Variants in PACRG observed in about 807,000 individuals in gnomAD.
PACRG encodes the protein parkin coregulated gene protein.
PACRG carries 29 observed loss-of-function variants against 29.7 expected under a neutral mutation model. That is an observed-to-expected ratio of 0.98 (90% CI 0.73 to 1.33). PACRG has a LOEUF of 1.33. Among genes scored for constraint, PACRG ranks in the 40% most tolerant of loss-of-function variants. The pLI is 0.00. For synonymous variants in PACRG, 116 were observed against 118.7 expected, an observed-to-expected ratio of 0.98 and a Z score of 0.15; for missense variants, 279 against 316.2, an observed-to-expected ratio of 0.88 and a Z score of 0.89.
intron 2 of PACRG, among the ~76,000 whole-genome samples, chr6:162,848,264 AAC>A (rs1424028351): frequency 3.3e-5 from 5 of 152,232 alleles, no homozygotes; most frequent in Non-Finnish European, 5.9e-5. Context: ...CCAGCAAGGA[AAC>A]ACAATGACTT....
At chr6:163,254,606 G>A (rs1783038074) in intron 4 of PACRG, among the ~76,000 whole-genome samples, 1 of 152,210 alleles carries the variant, frequency 6.6e-6, no homozygotes, top group Non-Finnish European at 1.5e-5. Context: ...CACTGTCCAG[G>A]ACGAGGTGAG....
At chr6:163,275,195 A>G (rs1052868300) in intron 4 of PACRG, among the ~76,000 whole-genome samples, 1 of 152,138 alleles carries the variant, frequency 6.6e-6, no homozygotes, top group African/African-American at 2.4e-5. Context: ...ATTATTTGAT[A>G]TATCTGCTTA....
At chr6:162,913,914 T>C (rs1482490750) in intron 2 of PACRG, among the ~76,000 whole-genome samples, 6 of 152,210 alleles carry the variant, frequency 3.9e-5, no homozygotes, top group Non-Finnish European at 7.3e-5. Flanking sequence ...TTTGTCCATT[T>C]TTATTAGGTT....
At chr6:162,811,456 G>T (rs1228356401) in intron 1 of PACRG, among the ~76,000 whole-genome samples, 5 of 152,068 alleles carry the variant, frequency 3.3e-5, no homozygotes, top group Admixed American at 3.3e-4. Context: ...GATTCTTTGA[G>T]TAGCTCTATA....
chr6:163,160,579 T>C lies in PACRG; in HGVS notation c.613+71171T>C, dbSNP rs1272414134. 3.3e-5 allele frequency among the ~76,000 whole-genome samples: 5 copies of C among 152,214 alleles called. No homozygotes were observed. The East Asian group carries it at 9.6e-4, about 29-fold the overall frequency. On this transcript the variant is annotated intron_variant, in intron 4 of 4. Transcript: ENST00000366888. ...GAATTAATAAATGGCATACCTTTTA[T>C]ACCAAATTTTAACAAAACAACCTTA...
At chr6:162,765,738 C>T (rs1002831510) in intron 1 of PACRG, among the ~76,000 whole-genome samples, 2 of 151,996 alleles carry the variant, frequency 1.3e-5, no homozygotes, top group African/African-American at 4.8e-5. Context: ...ACATGTATAA[C>T]TATTTAATAT....
intron 2 of PACRG, among the ~76,000 whole-genome samples, chr6:162,884,142 G>A (rs947299557): frequency 6.6e-5 from 10 of 152,208 alleles, no homozygotes; most frequent in East Asian, 1.9e-4. Context: ...GTTTCACCAC[G>A]TTGCCCAGAC....
At chr6:162,771,501 G>A (rs535333350) in intron 1 of PACRG, among the ~76,000 whole-genome samples, 2 of 152,254 alleles carry the variant, frequency 1.3e-5, no homozygotes, top group South Asian at 2.1e-4. Flanking sequence ...GGCGGGAGTG[G>A]AGGTGGCTTC....
intron 4 of PACRG, chr6:163,170,814 G>A (rs192490192): frequency 2.4e-3 from 361 of 152,234 alleles, no homozygotes; most frequent in African/African-American, 2.9e-3. Context: ...TTCTTTTATC[G>A]CTTAGACCTT....
At chr6:163,255,910 A>G (rs1378459602) in intron 4 of PACRG, among the ~76,000 whole-genome samples, 1 of 152,186 alleles carries the variant, frequency 6.6e-6, no homozygotes, top group Non-Finnish European at 1.5e-5. Flanking sequence ...TGCTGGGTTT[A>G]CAGGTGTGAG....
At chr6:162,802,568 G>C (rs368309636) in intron 1 of PACRG, among the ~76,000 whole-genome samples, 176 of 152,074 alleles carry the variant, frequency 1.2e-3, no homozygotes, top group African/African-American at 3.8e-3. Flanking sequence ...CATTGGTTTT[G>C]ACCTCCTTCA....
chr6:163,075,661 A>G (rs1181604339), intron 3 of PACRG, among the ~76,000 whole-genome samples: 2 of 152,238 alleles, frequency 1.3e-5, no homozygotes, highest in East Asian at 1.9e-4. Flanking sequence ...TATTTAATAA[A>G]TGGTGAAAAA....
intron 1 of PACRG, among the ~76,000 whole-genome samples, chr6:162,731,131 T>G (rs890608776): frequency 6.6e-6 from 1 of 152,192 alleles, no homozygotes; most frequent in South Asian, 2.1e-4. Context: ...AATAATTTTT[T>G]TAATATTAAA....
intron 2 of PACRG, among the ~76,000 whole-genome samples, chr6:162,912,572 C>CTT (rs745997012): frequency 1.2e-4 from 17 of 137,062 alleles, no homozygotes; most frequent in South Asian, 9.4e-4. Context: ...ATATTATATT[C>CTT]TTTTTTTTTT....
At chr6:162,878,200 G>C (rs1793534983) in intron 2 of PACRG, among the ~76,000 whole-genome samples, 1 of 152,092 alleles carries the variant, frequency 6.6e-6, no homozygotes, top group South Asian at 2.1e-4. Context: ...AGTGTAAGAT[G>C]CAATATCACA....
intron 3 of PACRG, among the ~76,000 whole-genome samples, chr6:163,072,114 CCAGA>C (rs1812118144): frequency 6.6e-6 from 1 of 151,522 alleles, no homozygotes; most frequent in Admixed American, 6.6e-5. Context: ...GATACCAAAA[CCAGA>C]CAAAGACACA....
At chr6:163,216,327 C>A (rs62429975) in intron 4 of PACRG, among the ~76,000 whole-genome samples, 2 of 152,132 alleles carry the variant, frequency 1.3e-5, no homozygotes, top group Non-Finnish European at 2.9e-5. Flanking sequence ...GAGGGGCTTG[C>A]ACATCACCAA....
chr6:163,059,624 CAT>C (rs1248738705), intron 2 of PACRG, among the ~76,000 whole-genome samples: 1 of 152,198 alleles, frequency 6.6e-6, no homozygotes, highest in Non-Finnish European at 1.5e-5. Flanking sequence ...AGTGCCGTGT[CAT>C]ATAGCCAGAC....
At chr6:163,224,349 A>G (rs1258796558) in intron 4 of PACRG, among the ~76,000 whole-genome samples, 3 of 134,236 alleles carry the variant, frequency 2.2e-5, no homozygotes, top group Admixed American at 8.4e-5. Context: ...AGCCTGGGCA[A>G]CAGAGTGAGA....
Sources: gnomAD v4.1 joint callset for allele counts (sites outside exome capture counted in the v4.1 genomes callset) on GRCh38, gnomAD v4.1.1 for gene constraint, MANE v1.5 for transcripts, NCBI Gene and HGNC (gene_info 2026-07-23, HGNC 2026-07-21) for gene names.